Variants in PAX7 observed in about 807,000 individuals in gnomAD.
PAX7 encodes the protein paired box 7.
PAX7 carries 18 observed loss-of-function variants against 50.7 expected under a neutral mutation model. The ratio of observed to expected loss-of-function variants is 0.36; its 90% confidence interval spans 0.25 to 0.53. The LOEUF (loss-of-function observed/expected upper bound fraction) is 0.53, where lower values mean the gene tolerates loss of function less well. PAX7 is among the 20% of genes least tolerant of loss of function. The probability of loss-of-function intolerance (pLI) is 0.93; values close to 1 mark genes in which losing one functional copy is unlikely to be tolerated. For synonymous variants in PAX7, 310 were observed against 290.4 expected, an observed-to-expected ratio of 1.07 and a Z score of -0.69; for missense variants, 644 against 702.9, an observed-to-expected ratio of 0.92 and a Z score of 0.95.
chr1:18,691,993 C>T (rs1235017946), intron 5 of PAX7, 40 bp downstream of exon 5: 2 of 1,577,624 alleles, frequency 1.3e-6, no homozygotes, highest in South Asian at 2.3e-5. Context: ...CAGATATACT[C>T]CAGAGATTCA....
intron 4 of PAX7, among the ~76,000 whole-genome samples, chr1:18,642,653 C>T (rs2088273941): frequency 6.6e-6 from 1 of 152,070 alleles, no homozygotes; most frequent in Non-Finnish European, 1.5e-5. Context: ...CTTCCCCCAA[C>T]TCTGGCTGAA....
intron 4 of PAX7, among the ~76,000 whole-genome samples, chr1:18,684,327 C>T (rs1327601647): frequency 1.3e-5 from 2 of 152,138 alleles, no homozygotes; most frequent in Non-Finnish European, 2.9e-5. Flanking sequence ...GGGTATGGTG[C>T]CCAATGCTGA....
At chr1:18,680,884 G>A (rs1483752370) in intron 4 of PAX7, among the ~76,000 whole-genome samples, 6 of 152,106 alleles carry the variant, frequency 3.9e-5, no homozygotes, top group African/African-American at 1.4e-4. Context: ...TGAGCCGGGC[G>A]CGGTGGCTCA....
chr1:18,677,172 C>G (rs1007045496), intron 4 of PAX7, among the ~76,000 whole-genome samples: 1 of 152,162 alleles, frequency 6.6e-6, no homozygotes, highest in South Asian at 2.1e-4. Context: ...GGGAAATAAC[C>G]AAGTTGATGG....
intron 4 of PAX7, among the ~76,000 whole-genome samples, chr1:18,679,944 C>T (rs1294598775): frequency 6.6e-6 from 1 of 152,160 alleles, no homozygotes; most frequent in Non-Finnish European, 1.5e-5. Context: ...CCAATAATAA[C>T]AATAGCAGCA....
At position 18,634,424 on chromosome 1, in the gene PAX7, C is replaced by T; in HGVS notation, c.207C>T (p.Pro69=). 1 of 1,614,226 alleles carries T rather than the reference C, an allele frequency of 6.2e-7. No individual in the cohort carries two copies. Among genetic ancestry groups the T allele is most frequent in the South Asian group, 1.1e-5 (1 of 91,088 alleles). ...AGATGGCCCACCATGGCATCCGGCC[C>T]TGTGTCATCTCCCGACAGCTGCGTG... ...IVEMAHHGIR[P]CVISRQLRVS... The change falls in exon 2 of 9, where the codon CCC becomes CCT. Residue 69 remains proline, a synonymous_variant. Coordinates refer to ENST00000420770, the MANE Select transcript of PAX7 (RefSeq NM_001135254.2). The surrounding 1 kb of genome is among the most constrained non-coding windows in gnomAD (Gnocchi z 4.0).
chr1:18,712,581 G>A (rs1453964161), intron 7 of PAX7, among the ~76,000 whole-genome samples: 1 of 152,194 alleles, frequency 6.6e-6, no homozygotes, highest in Non-Finnish European at 1.5e-5. Flanking sequence ...ATGCCTATGA[G>A]TAGGCTCTGC....
chr1:18,688,308 T>A (rs1237262041), intron 4 of PAX7, among the ~76,000 whole-genome samples: 1 of 152,194 alleles, frequency 6.6e-6, no homozygotes, highest in Admixed American at 6.5e-5. Flanking sequence ...CACGGGAAGT[T>A]GTGAGCGTGG....
chr1:18,672,842 G>A (rs1397191531), intron 4 of PAX7, among the ~76,000 whole-genome samples: 1 of 152,074 alleles, frequency 6.6e-6, no homozygotes, highest in African/African-American at 2.4e-5. Flanking sequence ...GACCTCAGGT[G>A]ATCTGCCTGC....
chr1:18,654,829 A>C (rs893868386), intron 4 of PAX7, among the ~76,000 whole-genome samples: 1 of 152,208 alleles, frequency 6.6e-6, no homozygotes, highest in Non-Finnish European at 1.5e-5. Flanking sequence ...ACTGAGGCTC[A>C]GTGAGGTAAA....
chr1:18,695,380 G>A (rs1452657351), intron 5 of PAX7, among the ~76,000 whole-genome samples: 2 of 152,192 alleles, frequency 1.3e-5, no homozygotes, highest in African/African-American at 4.8e-5. Flanking sequence ...TGTGCCAGGC[G>A]CTGTTCTAGG....
rs2089698841 is a variant in PAX7, at chr1:18,735,539, AG to A, written c.1156-92del. On this transcript the variant is annotated intron_variant, in intron 7 of 8. Transcript: ENST00000420770. This position sits in a 1 kb window ranked among gnomAD's most constrained non-coding sequence, Gnocchi z 4.0. ...CTTCAAGGGAACAACTCTGGCAAAG[AG>A]TGTTCCAGGGCCAGCCTGGCATTGT... 1 of 1,530,564 alleles carries A rather than the reference AG, an allele frequency of 6.5e-7. No individual in the cohort carries two copies. The highest frequency in any genetic ancestry group is 2.0e-5 in the Admixed American group (1 of 50,194). 94.8% of individuals were successfully genotyped at this position (1,530,564 alleles called of 1,614,324 possible). A position where few individuals can be genotyped will look rare whatever the true frequency, so the allele number is the denominator to read the frequency against.
chr1:18,730,085 G>A (rs1300980916), intron 7 of PAX7, among the ~76,000 whole-genome samples: 5 of 152,126 alleles, frequency 3.3e-5, no homozygotes, highest in Non-Finnish European at 7.4e-5. Flanking sequence ...AAAGGAAGGG[G>A]AGGGGGACAG....
chr1:18,692,145 C>G (rs2089081161), intron 5 of PAX7, among the ~76,000 whole-genome samples, 192 bp downstream of exon 5: 1 of 151,662 alleles, frequency 6.6e-6, no homozygotes, highest in African/African-American at 2.4e-5. Flanking sequence ...TGACTGAGAG[C>G]TGGACAGCCC....
rs1473981319 is a variant in PAX7 at position 18,706,479 on chromosome 1, T to C, written c.1155+3183T>C. Among the ~76,000 whole-genome samples, 122 of 120,602 alleles carry C rather than the reference T, an allele frequency of 1.0e-3. 2 individuals carry two copies. In the South Asian group the frequency reaches 0.011, roughly 11 times the overall value. 79.1% of individuals were successfully genotyped at this position (120,602 alleles called of 152,430 possible). A position where few individuals can be genotyped will look rare whatever the true frequency, so the allele number is the denominator to read the frequency against. Reference sequence around the variant, plus strand: ...CTCTCTCTTTTTTTTTTTTTTTTTTTGAGACAGAGTCTAAGTCTGTTGCCC... The same window carrying C: ...CTCTCTCTTTTTTTTTTTTTTTTTTCGAGACAGAGTCTAAGTCTGTTGCCC... On this transcript the variant is annotated intron_variant, in intron 7 of 8. Transcript: ENST00000420770.
At chr1:18,687,791 G>A (rs941055967) in intron 4 of PAX7, among the ~76,000 whole-genome samples, 4 of 152,236 alleles carry the variant, frequency 2.6e-5, no homozygotes, top group East Asian at 1.9e-4. Flanking sequence ...AGATCCTTTC[G>A]GACAAGAGAG....
At chr1:18,694,122 C>T (rs1403802005) in intron 5 of PAX7, among the ~76,000 whole-genome samples, 1 of 152,174 alleles carries the variant, frequency 6.6e-6, no homozygotes, top group African/African-American at 2.4e-5. Context: ...CCCATTTAGC[C>T]TGAGAGCTTT....
intron 8 of PAX7, among the ~76,000 whole-genome samples, chr1:18,740,379 T>C (rs982493703): frequency 6.6e-6 from 1 of 152,094 alleles, no homozygotes; most frequent in Non-Finnish European, 1.5e-5. Flanking sequence ...CTGACAAGGA[T>C]AAGGCACGCA....
intron 8 of PAX7, among the ~76,000 whole-genome samples, chr1:18,738,319 C>CCAGCGG (rs1192008445): frequency 1.3e-5 from 2 of 152,274 alleles, no homozygotes; most frequent in Admixed American, 6.5e-5. Flanking sequence ...TAGAGTGACC[C>CCAGCGG]CAGCGGCAGC....
Sources: gnomAD v4.1 joint callset for allele counts (sites outside exome capture counted in the v4.1 genomes callset) on GRCh38, gnomAD v4.1.1 for gene constraint, Gnocchi (gnomAD v3.1) non-coding constraint, MANE v1.5 for transcripts, NCBI Gene and HGNC (gene_info 2026-07-23, HGNC 2026-07-21) for gene names.